Variants in NRG1 observed in about 807,000 individuals in gnomAD.
NRG1 encodes the protein neuregulin 1.
In NRG1, 18 loss-of-function variants were observed where a neutral mutation model predicts 63.8. The ratio of observed to expected loss-of-function variants is 0.28; its 90% CI spans 0.19 to 0.42. The LOEUF (loss-of-function observed/expected upper bound fraction) is 0.42. Ranked by LOEUF, NRG1 falls within the 10% of genes least tolerant of loss-of-function variation. NRG1 has a pLI of 1.00. For missense variants in NRG1, 762 were observed against 814.7 expected (o/e 0.94, Z 0.79); for synonymous variants, 302 against 301.3 (o/e 1.00, Z -0.02).
At chr8:31,708,998 A>T (rs1378990453) in intron 1 of NRG1, among the ~76,000 whole-genome samples, 4 of 152,174 alleles carry the variant, frequency 2.6e-5, no homozygotes, top group African/African-American at 9.7e-5. Flanking sequence ...TCATGTATTC[A>T]TGACACACGT....
intron 1 of NRG1, among the ~76,000 whole-genome samples, chr8:32,065,195 C>A (rs925540088): frequency 1.3e-5 from 2 of 149,404 alleles, no homozygotes; most frequent in African/African-American, 4.9e-5. Context: ...TTCTTTCTTT[C>A]TTTATTATTT....
chr8:32,082,773 G>A (rs1228877771), intron 1 of NRG1, among the ~76,000 whole-genome samples: 1 of 151,964 alleles, frequency 6.6e-6, no homozygotes, highest in African/African-American at 2.4e-5. Context: ...GGTTCTCTAG[G>A]TATCAATTTT....
chr8:32,323,005 C>T (rs990933462), intron 1 of NRG1, among the ~76,000 whole-genome samples: 2 of 152,120 alleles, frequency 1.3e-5, no homozygotes, highest in South Asian at 2.1e-4. Context: ...CAACACCCAA[C>T]ACCACCTAAC....
chr8:32,030,847 A>G (rs1818155962), intron 1 of NRG1, among the ~76,000 whole-genome samples: 1 of 152,196 alleles, frequency 6.6e-6, no homozygotes, highest in Admixed American at 6.5e-5. Context: ...CTCCTTTTAA[A>G]AAACAAAATT....
At chr8:32,762,392 G>A (rs923034710) in intron 11 of NRG1, among the ~76,000 whole-genome samples, 1 of 152,090 alleles carries the variant, frequency 6.6e-6, no homozygotes, top group Admixed American at 6.5e-5. Flanking sequence ...CTAGGACTAC[G>A]AAATATTCCT....
intron 1 of NRG1, among the ~76,000 whole-genome samples, chr8:31,701,145 T>A (rs569000473): frequency 6.6e-6 from 1 of 152,302 alleles, no homozygotes; most frequent in African/African-American, 2.4e-5. Flanking sequence ...GACGATTCAT[T>A]ACATGTAGTG....
intron 5 of NRG1, chr8:32,647,634 A>T: frequency 6.8e-7 from 1 of 1,479,546 alleles, no homozygotes; most frequent in Non-Finnish European, 8.9e-7. Context: ...TTCCCCCTGT[A>T]AGATGCTGTA....
At chr8:31,708,455 T>C (rs922401837) in intron 1 of NRG1, among the ~76,000 whole-genome samples, 1 of 150,654 alleles carries the variant, frequency 6.6e-6, no homozygotes, top group African/African-American at 2.4e-5. Flanking sequence ...TGTTTTTTTT[T>C]TTTTTTTTGA....
At chr8:32,573,392 G>C (rs890372370) in intron 1 of NRG1, among the ~76,000 whole-genome samples, 5 of 152,192 alleles carry the variant, frequency 3.3e-5, no homozygotes, top group African/African-American at 7.2e-5. Flanking sequence ...TACAAAAACA[G>C]ATGGTAGGCA....
intron 3 of NRG1, among the ~76,000 whole-genome samples, chr8:32,606,225 A>G (rs953731806): frequency 2.7e-5 from 4 of 150,542 alleles, no homozygotes; most frequent in African/African-American, 9.7e-5. Flanking sequence ...TAATATGCAT[A>G]TATTCTGTGT....
chr8:32,235,754 T>A (rs1478431776), intron 1 of NRG1, among the ~76,000 whole-genome samples: 2 of 152,112 alleles, frequency 1.3e-5, no homozygotes, highest in Non-Finnish European at 2.9e-5. Context: ...TCAAAAATAT[T>A]GTAGTGATCT....
At chr8:32,092,599 A>G (rs1829342597) in intron 1 of NRG1, among the ~76,000 whole-genome samples, 1 of 152,088 alleles carries the variant, frequency 6.6e-6, no homozygotes, top group Admixed American at 6.6e-5. Context: ...GGCTCAGAAG[A>G]TGGTGGACTC....
intron 1 of NRG1, among the ~76,000 whole-genome samples, chr8:32,156,987 G>A (rs745799359): frequency 6.6e-6 from 1 of 151,664 alleles, no homozygotes; most frequent in Non-Finnish European, 1.5e-5. Context: ...AAAGATCAAC[G>A]CTAACATTGC....
At chr8:32,208,260 G>A (rs2132355962) in intron 1 of NRG1, among the ~76,000 whole-genome samples, 1 of 151,546 alleles carries the variant, frequency 6.6e-6, no homozygotes, top group Non-Finnish European at 1.5e-5. Flanking sequence ...CTCAAACATT[G>A]CTGGTGGGAC....
In NRG1 at chr8:32,609,558, CCTTCCTTCCTTCCTTCCTTCCT is replaced by C. The variant is rs1845949428; in HGVS notation, c.400+3876_400+3897del. ...CAAGAATTTCCTTCCCTCCCTCCTTCCTTCCTTCCTTCCTTCCTTCCTTCCTTCCTTCCTTCCTTCCTTCCTT... is the reference window on the plus strand; with the variant it reads ...CAAGAATTTCCTTCCCTCCCTCCTTCTCCTTCCTTCCTTCCTTCCTTCCTT... On this transcript the variant is annotated intron_variant, in intron 3 of 11. Coordinates refer to ENST00000356819, the Ensembl canonical transcript of NRG1. Among the ~76,000 whole-genome samples, 369 of 46,174 alleles carry C rather than the reference CCTTCCTTCCTTCCTTCCTTCCT, an allele frequency of 8.0e-3. 4 individuals are homozygous for C. The highest frequency in any genetic ancestry group is 0.023 in the African/African-American group (334 of 14,816). 30.3% of individuals were successfully genotyped at this position (46,174 alleles called of 152,430 possible). A position where few individuals can be genotyped will look rare whatever the true frequency, so the allele number is the denominator to read the frequency against.
chr8:31,908,243 C>T (rs1832682164), intron 1 of NRG1, among the ~76,000 whole-genome samples: 1 of 152,176 alleles, frequency 6.6e-6, no homozygotes, highest in Non-Finnish European at 1.5e-5. Context: ...AATTCTTAGG[C>T]CCATATAAAT....
At chr8:32,700,230 A>G (rs1030857832) in intron 5 of NRG1, among the ~76,000 whole-genome samples, 9 of 152,194 alleles carry the variant, frequency 5.9e-5, no homozygotes, top group Non-Finnish European at 1.0e-4. Context: ...ATATTGGTAT[A>G]TATAATTTAT....
intron 1 of NRG1, among the ~76,000 whole-genome samples, chr8:32,236,987 G>A (rs1000900052): frequency 6.6e-6 from 1 of 152,038 alleles, no homozygotes; most frequent in Non-Finnish European, 1.5e-5. Context: ...CACTCAAGAT[G>A]GGAATGATAA....
intron 1 of NRG1, among the ~76,000 whole-genome samples, chr8:32,114,758 G>A (rs1433064509): frequency 6.6e-6 from 1 of 152,166 alleles, no homozygotes; most frequent in South Asian, 2.1e-4. Flanking sequence ...AGAGAGCCCA[G>A]AACTCTCCCT....
Sources: gnomAD v4.1 joint callset for allele counts (sites outside exome capture counted in the v4.1 genomes callset) on GRCh38, gnomAD v4.1.1 for gene constraint, MANE v1.5 for transcripts, NCBI Gene and HGNC (gene_info 2026-07-23, HGNC 2026-07-21) for gene names.